Variants in SEMA5A observed in about 807,000 individuals in gnomAD.
SEMA5A encodes semaphorin 5A.
Under a neutral mutation model 135.5 loss-of-function variants are expected in SEMA5A, and 55 were observed. That is an observed-to-expected ratio of 0.41 (90% CI 0.33 to 0.51). SEMA5A has a LOEUF of 0.51. Among genes scored for constraint, SEMA5A ranks in the 20% least tolerant of loss-of-function variants. SEMA5A has a pLI of 0.37. For missense variants in SEMA5A, 1,290 were observed against 1,419.9 expected (o/e 0.91, Z 1.47); for synonymous variants, 580 against 546.5 (o/e 1.06, Z -0.85).
intron 1 of SEMA5A, among the ~76,000 whole-genome samples, chr5:9,530,651 T>G (rs775947375): frequency 6.6e-6 from 1 of 152,148 alleles, no homozygotes; most frequent in Admixed American, 6.5e-5. Context: ...TGCCCACATC[T>G]TGAGAAATGC....
intron 16 of SEMA5A, among the ~76,000 whole-genome samples, chr5:9,073,323 G>C (rs72739891): frequency 6.6e-6 from 1 of 152,058 alleles, no homozygotes; most frequent in African/African-American, 2.4e-5. Flanking sequence ...TTCAATTAAC[G>C]TAATTCATCA....
At chr5:9,454,545 GT>G (rs1758760948) in intron 1 of SEMA5A, among the ~76,000 whole-genome samples, 1 of 152,292 alleles carries the variant, frequency 6.6e-6, no homozygotes, top group East Asian at 1.9e-4. Context: ...AGCCAGTGCT[GT>G]TTTTTTCCAA....
intron 1 of SEMA5A, among the ~76,000 whole-genome samples, chr5:9,457,350 G>A (rs140443587): frequency 3.3e-4 from 50 of 152,256 alleles, no homozygotes; most frequent in African/African-American, 1.2e-3. Context: ...TATTTCTGTT[G>A]TTTTTTGTTT....
chr5:9,252,441 C>T (rs189253300), intron 5 of SEMA5A, among the ~76,000 whole-genome samples: 2 of 152,198 alleles, frequency 1.3e-5, no homozygotes, highest in East Asian at 1.9e-4. Context: ...TAACAGAGGT[C>T]AAGACAAAGA....
intron 1 of SEMA5A, among the ~76,000 whole-genome samples, chr5:9,493,215 T>C (rs1187962027): frequency 6.6e-6 from 1 of 151,256 alleles, no homozygotes; most frequent in African/African-American, 2.4e-5. Context: ...TATATAAATA[T>C]ATATAATATA....
chr5:9,088,924 C>T (rs1040205022), intron 16 of SEMA5A, among the ~76,000 whole-genome samples: 7 of 152,130 alleles, frequency 4.6e-5, no homozygotes, highest in Non-Finnish European at 1.5e-5. Context: ...ATGGCACAGT[C>T]TGATAGCTCA....
intron 4 of SEMA5A, among the ~76,000 whole-genome samples, chr5:9,330,821 A>C (rs980916440): frequency 3.9e-5 from 6 of 152,196 alleles, no homozygotes; most frequent in Non-Finnish European, 8.8e-5. Context: ...GGGACAGAGA[A>C]GGGGAAACCT....
chr5:9,062,208 G>A (rs573649059), intron 18 of SEMA5A, among the ~76,000 whole-genome samples: 1 of 152,206 alleles, frequency 6.6e-6, no homozygotes, highest in Non-Finnish European at 1.5e-5. Context: ...GCATTAGGGA[G>A]TGGGGGGCCC....
In SEMA5A at chr5:9,094,876, G is replaced by C. The variant is rs543805522; in HGVS notation, c.2073+13264C>G. 3.1e-3 allele frequency among the ~76,000 whole-genome samples: 478 copies of C among 152,200 alleles called. 4 individuals are homozygous for C. Among genetic ancestry groups the C allele is most frequent in the Middle Eastern group, 3.4e-3 (1 of 294 alleles). On this transcript the variant is annotated intron_variant, in intron 16 of 22. Coordinates refer to ENST00000382496, the MANE Select transcript of SEMA5A (RefSeq NM_003966.3). ...GCAGCACGGCTTATAAAATACTGTA[G>C]GAATGTGACATGGAATGTGAAGAGT...
intron 14 of SEMA5A, 96 bp from the exon 15 acceptor site, chr5:9,119,237 G>T: frequency 2.1e-6 from 3 of 1,451,326 alleles, no homozygotes; most frequent in Non-Finnish European, 2.8e-6. Context: ...TCCTCAGGAG[G>T]ATCACGCTTG....
In SEMA5A at chr5:9,054,069, A is replaced by G. The variant is rs1243199399; in HGVS notation, c.2689+18T>C. Reference sequence around the variant, plus strand: ...CCAATTTGTCTGAAAGCTGTGCAGTAGGTGAGGTGCCGCTTACCTGGGCAG... The same window carrying G: ...CCAATTTGTCTGAAAGCTGTGCAGTGGGTGAGGTGCCGCTTACCTGGGCAG... On this transcript the variant is annotated intron_variant, in intron 19 of 22. Transcript: ENST00000382496. The G allele has an allele frequency of 6.3e-6, 10 of 1,594,900 alleles. No individual in the cohort carries two copies. Among genetic ancestry groups the G allele is most frequent in the Non-Finnish European group, 8.5e-6 (10 of 1,172,586 alleles).
chr5:9,415,977 A>C (rs1757270629), intron 2 of SEMA5A, among the ~76,000 whole-genome samples: 1 of 152,248 alleles, frequency 6.6e-6, no homozygotes, highest in South Asian at 2.1e-4. Flanking sequence ...TTTCAAAGGC[A>C]GCTTTAAAGT....
At position 9,043,720 on chromosome 5, in the gene SEMA5A, A is replaced by G. The variant is rs115649673; in HGVS notation, c.3105+653T>C. Among the ~76,000 whole-genome samples the G allele has an allele frequency of 7.7e-3, 1,166 of 152,344 alleles. 14 individuals carry two copies. The highest frequency in any genetic ancestry group is 0.027 in the African/African-American group (1,129 of 41,576). The stretch of plus-strand genomic sequence containing the variant: ...TCTAGAAGGATTCGTTAAAGACTGG[A>G]CAGCTGTCCGTACCTTCAACGTCCT... On this transcript the variant is annotated intron_variant, in intron 22 of 22. Transcript: ENST00000382496.
chr5:9,066,807 G>T (rs1183240389), intron 16 of SEMA5A, among the ~76,000 whole-genome samples, 161 bp from the exon 17 acceptor site: 1 of 152,056 alleles, frequency 6.6e-6, no homozygotes, highest in Non-Finnish European at 1.5e-5. Context: ...GTTAAATTAG[G>T]TATTCAACAG....
chr5:9,299,280 T>C (rs1421072983), intron 5 of SEMA5A, among the ~76,000 whole-genome samples: 17 of 152,078 alleles, frequency 1.1e-4, no homozygotes, highest in Non-Finnish European at 2.4e-4. Flanking sequence ...GAGCCTGGCA[T>C]TAGAGGGGAG....
At chr5:9,522,273 G>A (rs1019892601) in intron 1 of SEMA5A, among the ~76,000 whole-genome samples, 1 of 152,114 alleles carries the variant, frequency 6.6e-6, no homozygotes, top group Non-Finnish European at 1.5e-5. Flanking sequence ...AGAGACAAAG[G>A]GCGTAATTGC....
intron 13 of SEMA5A, among the ~76,000 whole-genome samples, chr5:9,135,602 A>G (rs868296643): frequency 1.5e-4 from 23 of 152,204 alleles, no homozygotes; most frequent in African/African-American, 4.8e-4. Flanking sequence ...GTTCTAAAGC[A>G]TGGAAGAAAC....
chr5:9,474,892 C>T (rs1204630796), intron 1 of SEMA5A, among the ~76,000 whole-genome samples: 2 of 152,150 alleles, frequency 1.3e-5, no homozygotes, highest in African/African-American at 4.8e-5. Flanking sequence ...CGTGTTGGAA[C>T]CCACCTCCAT....
chr5:9,201,499 A>G (rs1745699893), intron 9 of SEMA5A, among the ~76,000 whole-genome samples: 2 of 152,248 alleles, frequency 1.3e-5, no homozygotes, highest in Admixed American at 1.3e-4. Flanking sequence ...GCTATGGAAA[A>G]TGTGCATTTC....
Sources: gnomAD v4.1 joint callset for allele counts (sites outside exome capture counted in the v4.1 genomes callset) on GRCh38, gnomAD v4.1.1 for gene constraint, MANE v1.5 for transcripts, NCBI Gene and HGNC (gene_info 2026-07-23, HGNC 2026-07-21) for gene names.